ADGRL3: variants seen among roughly 807,000 people sequenced by gnomAD.
The protein encoded by ADGRL3 is adhesion G protein-coupled receptor L3, also known as calcium-independent alpha-latrotoxin receptor 3.
Under a neutral mutation model 153.5 loss-of-function variants are expected in ADGRL3, and 62 were observed. The ratio of observed to expected loss-of-function variants is 0.40; its 90% CI spans 0.33 to 0.50. ADGRL3 has a LOEUF of 0.50. Ranked by LOEUF, ADGRL3 falls within the 20% of genes least tolerant of loss-of-function variation. The pLI is 0.47. For missense variants in ADGRL3, 1,641 were observed against 1,859.4 expected (o/e 0.88, Z 2.16); for synonymous variants, 710 against 672.5 (o/e 1.06, Z -0.86).
chr4:61,571,190 A>T (rs542366085), intron 4 of ADGRL3, among the ~76,000 whole-genome samples: 7 of 152,162 alleles, frequency 4.6e-5, no homozygotes, highest in Admixed American at 3.3e-4. Flanking sequence ...TAAGGGGCTC[A>T]AAGGCTGGGT....
intron 25 of ADGRL3, among the ~76,000 whole-genome samples, chr4:62,064,379 A>G (rs749722909): frequency 1.3e-5 from 2 of 151,946 alleles, no homozygotes; most frequent in Admixed American, 6.6e-5. Context: ...ACCACTTACA[A>G]TGTAAGCATT....
intron 1 of ADGRL3, among the ~76,000 whole-genome samples, chr4:61,328,490 G>A (rs569585909): frequency 8.0e-4 from 122 of 152,158 alleles, no homozygotes; most frequent in African/African-American, 2.9e-3. Flanking sequence ...TATGACTTAA[G>A]GCATTTTTAT....
intron 17 of ADGRL3, among the ~76,000 whole-genome samples, chr4:61,971,231 T>C (rs2099026247): frequency 6.6e-6 from 1 of 151,974 alleles, no homozygotes; most frequent in African/African-American, 2.4e-5. Context: ...TATGTATACA[T>C]GTGCCATGCT....
intron 9 of ADGRL3, among the ~76,000 whole-genome samples, chr4:61,843,145 G>A (rs139659372): frequency 3.5e-4 from 54 of 152,270 alleles, no homozygotes; most frequent in South Asian, 1.7e-3. Context: ...CAGAGAGACT[G>A]ATTCACTCCT....
At chr4:61,534,806 T>G (rs2098645037) in intron 4 of ADGRL3, among the ~76,000 whole-genome samples, 1 of 152,296 alleles carries the variant, frequency 6.6e-6, no homozygotes, top group South Asian at 2.1e-4. Context: ...CCTGAAATTT[T>G]ACTGAAGTCA....
At chr4:61,227,313 C>T (rs149361384) in intron 1 of ADGRL3, among the ~76,000 whole-genome samples, 1 of 152,202 alleles carries the variant, frequency 6.6e-6, no homozygotes, top group African/African-American at 2.4e-5. Context: ...TGAAGCAATT[C>T]TCCCACCTCA....
chr4:61,535,054 TATAATGTTGGCC>T (rs2098646633), intron 4 of ADGRL3, among the ~76,000 whole-genome samples: 2 of 152,122 alleles, frequency 1.3e-5, no homozygotes, highest in Admixed American at 1.3e-4. Context: ...ACCCATTCAG[TATAATGTTGGCC>T]ATTAGTTTGT....
chr4:61,284,045 C>T (rs2093827742), intron 1 of ADGRL3, among the ~76,000 whole-genome samples: 1 of 151,948 alleles, frequency 6.6e-6, no homozygotes, highest in Non-Finnish European at 1.5e-5. Flanking sequence ...TAATGGATCC[C>T]AATGCACTTT....
intron 8 of ADGRL3, among the ~76,000 whole-genome samples, chr4:61,806,025 C>A (rs2097548770): frequency 6.6e-6 from 1 of 152,168 alleles, no homozygotes; most frequent in African/African-American, 2.4e-5. Context: ...TGTAATGTAG[C>A]AATTTTAACA....
At chr4:61,304,269 A>T (rs1240912422) in intron 1 of ADGRL3, among the ~76,000 whole-genome samples, 1 of 152,206 alleles carries the variant, frequency 6.6e-6, no homozygotes, top group East Asian at 1.9e-4. Flanking sequence ...TTTGATTTTA[A>T]TCCAGTAGTT....
chr4:61,524,242 A>T (rs918703790), intron 4 of ADGRL3, among the ~76,000 whole-genome samples: 2 of 152,094 alleles, frequency 1.3e-5, no homozygotes, highest in Non-Finnish European at 2.9e-5. Context: ...AATTCAGGTG[A>T]AAAGAAAGGG....
intron 2 of ADGRL3, among the ~76,000 whole-genome samples, chr4:61,443,789 G>A (rs78865619): frequency 0.02 from 2,990 of 151,982 alleles, 36 homozygotes; most frequent in Non-Finnish European, 0.032. Context: ...TATCAAAATC[G>A]TTTCATTGTT....
chr4:61,264,055 T>C (rs933222720), intron 1 of ADGRL3, among the ~76,000 whole-genome samples: 2 of 152,012 alleles, frequency 1.3e-5, no homozygotes, highest in African/African-American at 4.8e-5. Flanking sequence ...AATAGTTCAA[T>C]GCAATCAGAC....
chr4:62,060,003 T>C (rs922032614), intron 25 of ADGRL3, among the ~76,000 whole-genome samples: 2 of 152,086 alleles, frequency 1.3e-5, no homozygotes, highest in African/African-American at 4.8e-5. Context: ...CTTTGATAGT[T>C]TCATTAGAAT....
At chr4:61,316,286 G>A (rs1279072540) in intron 1 of ADGRL3, among the ~76,000 whole-genome samples, 1 of 152,134 alleles carries the variant, frequency 6.6e-6, no homozygotes, top group Non-Finnish European at 1.5e-5. Context: ...GCTTATTTCA[G>A]GGGTAGGAAA....
At position 61,735,690 on chromosome 4, in the gene ADGRL3, A is replaced by C. The variant is rs898266681; in HGVS notation, c.1399+2136A>C. ...CTAATATCTCAAAGGAATAATAAAT[A>C]ATAACTTATTTTTTTAGGTAATCAG... On this transcript the variant is annotated intron_variant, in intron 8 of 26. Transcript: ENST00000683033. 7.2e-5 allele frequency among the ~76,000 whole-genome samples: 11 copies of C among 152,192 alleles called. No homozygotes were observed. The East Asian group carries it at 1.3e-3, about 19-fold the overall frequency.
intron 2 of ADGRL3, among the ~76,000 whole-genome samples, chr4:61,490,461 T>C (rs2098246245): frequency 6.6e-6 from 1 of 152,118 alleles, no homozygotes; most frequent in African/African-American, 2.4e-5. Flanking sequence ...CAGTGCATAC[T>C]TGTAATAAAT....
At chr4:61,762,477 AATT>A (rs1433969784) in intron 8 of ADGRL3, among the ~76,000 whole-genome samples, 1 of 152,136 alleles carries the variant, frequency 6.6e-6, no homozygotes, top group African/African-American at 2.4e-5. Flanking sequence ...AGACTATTTA[AATT>A]TGATATTGAG....
chr4:61,794,708 A>G (rs2097386155), intron 8 of ADGRL3, among the ~76,000 whole-genome samples: 1 of 152,194 alleles, frequency 6.6e-6, no homozygotes, highest in Non-Finnish European at 1.5e-5. Context: ...CTCAAAATGT[A>G]CTTGGTGATG....
Sources: gnomAD v4.1 joint callset for allele counts (sites outside exome capture counted in the v4.1 genomes callset) on GRCh38, gnomAD v4.1.1 for gene constraint, MANE v1.5 for transcripts, NCBI Gene and HGNC (gene_info 2026-07-23, HGNC 2026-07-21) for gene names.